The following FAM180A variants were observed in gnomAD, a reference collection of about 807,000 sequenced individuals.
FAM180A encodes the protein protein FAM180A.
Under a neutral mutation model 15.3 loss-of-function variants are expected in FAM180A, and 14 were observed. The observed-to-expected ratio is 0.92, with a 90% confidence interval of 0.61 to 1.43. The LOEUF is 1.43. FAM180A is among the 40% of genes most tolerant of loss of function. The pLI is 0.00. For synonymous variants in FAM180A, 90 were observed against 96.8 expected, an observed-to-expected ratio of 0.93 and a Z score of 0.41; for missense variants, 200 against 220.8, an observed-to-expected ratio of 0.91 and a Z score of 0.60.
chr7:135,737,328 T>C, intron 1 of FAM180A, 129 bp from the exon 2 acceptor site: 1 of 680,886 alleles, frequency 1.5e-6, no homozygotes, highest in Non-Finnish European at 2.4e-6. Flanking sequence ...GGCTCATGCC[T>C]CTAATTCCAG....
intron 1 of FAM180A, among the ~76,000 whole-genome samples, chr7:135,742,176 G>A (rs554285704): frequency 6.6e-6 from 1 of 152,346 alleles, no homozygotes; most frequent in East Asian, 1.9e-4. Context: ...CTCCCTGTGT[G>A]AGGCAAGATC....
chr7:135,731,211 C>A (rs1381631623), intron 3 of FAM180A, among the ~76,000 whole-genome samples: 2 of 152,080 alleles, frequency 1.3e-5, no homozygotes, highest in Non-Finnish European at 2.9e-5. Context: ...GGATACAAGA[C>A]TGACTATCAG....
chr7:135,731,955 T>C (rs1796789383), intron 3 of FAM180A, among the ~76,000 whole-genome samples: 1 of 152,238 alleles, frequency 6.6e-6, no homozygotes. Flanking sequence ...GTTGCAGCTT[T>C]TGCTTGCTGA....
Position 135,733,907 on chromosome 7 carries a change from T to G in FAM180A, c.*68A>C. ...TTGTTGCTGGTCTCTGTAAATGGAG[T>G]AGAGAATGAAGACTTTCTGGATTAC... On this transcript the variant is annotated 3_prime_UTR_variant, in exon 3 of 4. Transcript: ENST00000338588. 2 of 1,486,106 alleles carry G rather than the reference T, an allele frequency of 1.3e-6. No homozygotes were observed. The highest frequency in any genetic ancestry group is 2.3e-5 in the East Asian group (1 of 42,598). 92.1% of individuals were successfully genotyped at this position (1,486,106 alleles called of 1,614,324 possible). A position where few individuals can be genotyped will look rare whatever the true frequency, so the allele number is the denominator to read the frequency against.
At chr7:135,746,129 C>G (rs1421311142) in intron 1 of FAM180A, among the ~76,000 whole-genome samples, 1 of 152,096 alleles carries the variant, frequency 6.6e-6, no homozygotes, top group African/African-American at 2.4e-5. Context: ...ACATCCGCTG[C>G]CTCATAGTGA....
chr7:135,734,445 C>T, intron 2 of FAM180A, 126 bp from the exon 3 acceptor site: 1 of 852,992 alleles, frequency 1.2e-6, no homozygotes, highest in Non-Finnish European at 1.8e-6. Flanking sequence ...AAGAGAGTTC[C>T]AGTTCTGACT....
At chr7:135,730,512 G>A (rs956104997) in intron 3 of FAM180A, among the ~76,000 whole-genome samples, 5 of 152,250 alleles carry the variant, frequency 3.3e-5, no homozygotes, top group African/African-American at 2.4e-5. Context: ...GTGACAGAGC[G>A]AGACTGTCCC....
chr7:135,740,351 G>A (rs1252351044), intron 1 of FAM180A, among the ~76,000 whole-genome samples: 1 of 152,232 alleles, frequency 6.6e-6, no homozygotes, highest in Non-Finnish European at 1.5e-5. Context: ...CACTGTCCTA[G>A]TCAGAGTAAG....
At chr7:135,734,587 A>G (rs917192007) in intron 2 of FAM180A, among the ~76,000 whole-genome samples, 2 of 152,240 alleles carry the variant, frequency 1.3e-5, no homozygotes, top group Non-Finnish European at 2.9e-5. Flanking sequence ...ACAAATATGG[A>G]CAAAACTAAT....
At chr7:135,744,173 C>T (rs559831722) in intron 1 of FAM180A, among the ~76,000 whole-genome samples, 166 of 152,326 alleles carry the variant, frequency 1.1e-3, no homozygotes, top group African/African-American at 3.8e-3. Context: ...GGCAGCCCGA[C>T]CTTCTCTTTG....
In FAM180A at chr7:135,730,097, C is replaced by T. The variant is rs997262591; in HGVS notation, c.*514G>A. On this transcript the variant is annotated 3_prime_UTR_variant, in exon 4 of 4. Coordinates refer to ENST00000338588, the MANE Select transcript of FAM180A (RefSeq NM_205855.4). The stretch of plus-strand genomic sequence containing the variant: ...CATTTAACAAGCATTTGATTTTAGA[C>T]CATTGGACCTGCAGAAATACTTTGA... 1.0e-6 allele frequency: 1 copy of T among 985,308 alleles called. No homozygotes were observed. Among genetic ancestry groups the T allele is most frequent in the South Asian group, 4.7e-5 (1 of 21,280 alleles). 61.0% of individuals were successfully genotyped at this position (985,308 alleles called of 1,614,324 possible). A position where few individuals can be genotyped will look rare whatever the true frequency, so the allele number is the denominator to read the frequency against.
chr7:135,738,576 A>G (rs1175452067), intron 1 of FAM180A, among the ~76,000 whole-genome samples: 2 of 152,210 alleles, frequency 1.3e-5, no homozygotes, highest in African/African-American at 4.8e-5. Flanking sequence ...TAGAAATGGT[A>G]ACTGGAGGAA....
Position 135,734,022 on chromosome 7 carries a change from G to T in FAM180A, c.475C>A (p.Leu159Met), listed in dbSNP as rs747000727. The T allele has an allele frequency of 2.5e-6, 4 of 1,613,824 alleles. No homozygotes were observed. The highest frequency in any genetic ancestry group is 3.4e-6 in the Non-Finnish European group (4 of 1,179,844). The change falls in exon 3 of 4, where the codon CTG (leucine) becomes ATG (methionine). Residue 159 changes from leucine to methionine, a missense_variant. Physicochemically the swap from Leu to Met is conservative, Grantham distance 15. Coordinates refer to ENST00000338588, the MANE Select transcript of FAM180A (RefSeq NM_205855.4). ...AQSLVSLFQA[L>M]RHDLMRSSQP... is the part of the protein sequence containing the mutation. Reference sequence around the variant, plus strand: ...GAGGAGCGCATCAAGTCGTGCCTCAGGGCCTGGAAGAGGCTAACGAGGGAC... The same window carrying T: ...GAGGAGCGCATCAAGTCGTGCCTCATGGCCTGGAAGAGGCTAACGAGGGAC...
At position 135,734,108 on chromosome 7, in the gene FAM180A, AG is replaced by A; in HGVS notation, c.388del (p.Leu130TrpfsTer30). On this transcript the variant is annotated frameshift_variant, in exon 3 of 4. Coordinates refer to ENST00000338588, the MANE Select transcript of FAM180A (RefSeq NM_205855.4). LOFTEE classifies it high-confidence loss of function. ...GGCTGTGCGGTAGGCTGTGTAGGCC[AG>A]GGTCAGCACTGTCCTTTCAAAGTCT... Reference protein sequence around the residue: ...KEDFERTVLTLAYTAYRTALS... With the variant: ...KEDFERTVLTXAYTAYRTALS... 1 of 1,614,200 alleles carries A rather than the reference AG, an allele frequency of 6.2e-7. No individual in the cohort carries two copies. The highest frequency in any genetic ancestry group is 8.5e-7 in the Non-Finnish European group (1 of 1,180,042).
intron 2 of FAM180A, among the ~76,000 whole-genome samples, chr7:135,734,907 T>C (rs142751728): frequency 2.0e-5 from 3 of 152,342 alleles, no homozygotes; most frequent in African/African-American, 7.2e-5. Context: ...TTTTGTTTTT[T>C]GTTTTCTTTT....
intron 2 of FAM180A, among the ~76,000 whole-genome samples, chr7:135,734,719 C>T (rs543672635): frequency 3.9e-5 from 6 of 152,202 alleles, no homozygotes; most frequent in South Asian, 4.1e-4. Context: ...TCAACTATTT[C>T]GATAATTTTA....
At chr7:135,736,710 C>T (rs1356602428) in intron 2 of FAM180A, among the ~76,000 whole-genome samples, 1 of 152,216 alleles carries the variant, frequency 6.6e-6, no homozygotes, top group African/African-American at 2.4e-5. Context: ...TCTTAGCATG[C>T]AGGGCCTTGG....
intron 3 of FAM180A, among the ~76,000 whole-genome samples, chr7:135,732,551 G>A (rs1280748758): frequency 6.6e-6 from 1 of 152,096 alleles, no homozygotes; most frequent in Middle Eastern, 3.2e-3. Context: ...AAATTAGCCA[G>A]GTGTGGTGGT....
At chr7:135,745,305 A>T (rs1327710458) in intron 1 of FAM180A, among the ~76,000 whole-genome samples, 1 of 152,222 alleles carries the variant, frequency 6.6e-6, no homozygotes, top group East Asian at 1.9e-4. Flanking sequence ...TACTTAAAAA[A>T]TAACTTGTAT....
Sources: allele counts gnomAD v4.1 joint callset (sites outside exome capture counted in the v4.1 genomes callset), GRCh38; gene constraint gnomAD v4.1.1; transcripts MANE v1.5; gene names NCBI Gene and HGNC (gene_info 2026-07-23, HGNC 2026-07-21).